CFAP91: variants seen among roughly 807,000 people sequenced by gnomAD.
CFAP91 encodes cilia- and flagella-associated protein 91.
CFAP91 carries 85 observed loss-of-function variants against 95.9 expected under a neutral mutation model. The ratio of observed to expected loss-of-function variants is 0.89; its 90% CI spans 0.74 to 1.06. The LOEUF (loss-of-function observed/expected upper bound fraction) is 1.06, where lower values mean the gene tolerates loss of function less well. CFAP91 is among the 50% of genes least tolerant of loss of function. The pLI is 0.00. For synonymous variants in CFAP91, 335 were observed against 327.5 expected (o/e 1.02, Z -0.25); for missense variants, 962 against 943.4 (o/e 1.02, Z -0.26).
rs200720489 is a variant in CFAP91, at chr3:119,735,913, A to ATACTT, written c.1345-1452_1345-1448dup. ...TTATTCCTTCTCTTCTGCTCTTCTT[A>ATACTT]TACTTATATCGATCTAAGTTTTTGA... On this transcript the variant is annotated intron_variant, in intron 10 of 17. Coordinates refer to ENST00000273390, the MANE Select transcript of CFAP91 (RefSeq NM_033364.4). Among the ~76,000 whole-genome samples the ATACTT allele has an allele frequency of 2.4e-3, 346 of 147,116 alleles. 2 individuals are homozygous for ATACTT. Among genetic ancestry groups the ATACTT allele is most frequent in the African/African-American group, 8.8e-3 (323 of 36,858 alleles).
intron 13 of CFAP91, 47 bp downstream of exon 13, chr3:119,740,742 C>T: frequency 6.3e-7 from 1 of 1,574,976 alleles, no homozygotes; most frequent in Non-Finnish European, 8.6e-7. Context: ...AAATTTTCTC[C>T]CTTGATTTTA....
At chr3:119,758,713 GT>G (rs2107922751) in intron 17 of CFAP91, among the ~76,000 whole-genome samples, 1 of 152,178 alleles carries the variant, frequency 6.6e-6, no homozygotes, top group Admixed American at 6.5e-5. Context: ...ATGGATACCA[GT>G]ATTGGCCATA....
chr3:119,725,708 A>T (rs571689083), intron 6 of CFAP91, among the ~76,000 whole-genome samples: 1 of 152,254 alleles, frequency 6.6e-6, no homozygotes, highest in South Asian at 2.1e-4. Flanking sequence ...AGTGAGCTGT[A>T]ATCACATCTC....
At chr3:119,762,614 T>A (rs2054557147) in intron 17 of CFAP91, among the ~76,000 whole-genome samples, 1 of 151,848 alleles carries the variant, frequency 6.6e-6, no homozygotes, top group African/African-American at 2.4e-5. Flanking sequence ...AACAGCATGG[T>A]ACTACACACA....
chr3:119,733,863 A>G (rs777007500), intron 10 of CFAP91, among the ~76,000 whole-genome samples: 3 of 152,140 alleles, frequency 2.0e-5, no homozygotes, highest in Non-Finnish European at 4.4e-5. Flanking sequence ...TGTTCATGTG[A>G]TCAGGGCATA....
chr3:119,736,896 G>T (rs1559760452), intron 10 of CFAP91, among the ~76,000 whole-genome samples: 1 of 151,892 alleles, frequency 6.6e-6, no homozygotes, highest in Non-Finnish European at 1.5e-5. Flanking sequence ...GAGTGCAATG[G>T]TGCAATCTCA....
Position 119,726,160 on chromosome 3 carries a change from T to G in CFAP91, c.683-11T>G, listed in dbSNP as rs755677593. The G allele has an allele frequency of 3.7e-6, 6 of 1,602,256 alleles. No homozygotes were observed. Among genetic ancestry groups the G allele is most frequent in the Non-Finnish European group, 5.1e-6 (6 of 1,175,256 alleles). ...TCACTTGTTCCTAAGCTGTGCTGCT[T>G]TATCCTGCAGGTCGGGGTCTCCCAG... On this transcript the variant is annotated splice_polypyrimidine_tract_variant and intron_variant, in intron 6 of 17. Transcript: ENST00000273390.
At chr3:119,712,149 GT>G (rs1008451869) in intron 5 of CFAP91, among the ~76,000 whole-genome samples, 2 of 152,220 alleles carry the variant, frequency 1.3e-5, no homozygotes, top group Non-Finnish European at 2.9e-5. Flanking sequence ...CCTGTTTGAG[GT>G]TGGGGAGGAG....
chr3:119,747,953 T>C (rs1302040786), intron 16 of CFAP91, 51 bp downstream of exon 16: 1 of 1,338,670 alleles, frequency 7.5e-7, no homozygotes, highest in Non-Finnish European at 1.1e-6. Context: ...ATGTAAATTA[T>C]TTTCAATATC....
intron 6 of CFAP91, among the ~76,000 whole-genome samples, chr3:119,717,737 C>A (rs545423189): frequency 2.4e-4 from 37 of 152,222 alleles, no homozygotes; most frequent in African/African-American, 8.7e-4. Flanking sequence ...CATGCATGCC[C>A]GTGATTACCC....
At chr3:119,763,636 A>G (rs2054577955) in intron 17 of CFAP91, among the ~76,000 whole-genome samples, 1 of 151,978 alleles carries the variant, frequency 6.6e-6, no homozygotes, top group African/African-American at 2.4e-5. Flanking sequence ...AAAAAGAAGG[A>G]AATCCTGTCA....
Position 119,747,910 on chromosome 3 carries a change from A to C in CFAP91, c.2143+8A>C. 1 of 1,593,122 alleles carries C rather than the reference A, an allele frequency of 6.3e-7. No homozygotes were observed. The highest frequency in any genetic ancestry group is 8.6e-7 in the Non-Finnish European group (1 of 1,162,810). On this transcript the variant is annotated splice_region_variant and intron_variant, in intron 16 of 17. Coordinates refer to ENST00000273390, the MANE Select transcript of CFAP91 (RefSeq NM_033364.4). ...ACTTTGTCAAAGAAAAAGGTAAGCC[A>C]ATGTAAATGCTTTACTTTAGGATTT... is the stretch of plus-strand genomic sequence containing the variant.
Position 119,765,254 on chromosome 3 carries a change from T to A in CFAP91, c.*204T>A, listed in dbSNP as rs377054792. 1 of 152,324 alleles carries A rather than the reference T, an allele frequency of 6.6e-6. No homozygotes were observed. The highest frequency in any genetic ancestry group is 2.4e-5 in the African/African-American group (1 of 41,586). The allele number at this position is 152,324 out of a possible 1,614,324, so 9.4% of individuals were successfully genotyped here. ...TGAAAAAGCTTCATTCTCTTCAGTG[T>A]CTTCTAGATGCCCTACTTAAAGAGA... On this transcript the variant is annotated 3_prime_UTR_variant, in exon 18 of 18. Coordinates refer to ENST00000273390, the MANE Select transcript of CFAP91 (RefSeq NM_033364.4).
intron 11 of CFAP91, among the ~76,000 whole-genome samples, 154 bp downstream of exon 11, chr3:119,737,636 G>A (rs2054036615): frequency 6.6e-6 from 1 of 152,092 alleles, no homozygotes; most frequent in Admixed American, 6.6e-5. Context: ...TCAAACATCA[G>A]ACACAGAAAA....
At chr3:119,756,506 A>G (rs2107920022) in intron 17 of CFAP91, among the ~76,000 whole-genome samples, 1 of 152,326 alleles carries the variant, frequency 6.6e-6, no homozygotes, top group South Asian at 2.1e-4. Context: ...AATAAATTTA[A>G]GGACAGGTAT....
intron 9 of CFAP91, 32 bp downstream of exon 9, chr3:119,732,508 T>C: frequency 7.3e-7 from 1 of 1,376,348 alleles, no homozygotes; most frequent in Non-Finnish European, 9.9e-7. Context: ...AAATCCAGTA[T>C]AAGAAGGTTG....
At chr3:119,763,830 C>T (rs1389689012) in intron 17 of CFAP91, among the ~76,000 whole-genome samples, 1 of 151,874 alleles carries the variant, frequency 6.6e-6, no homozygotes, top group Non-Finnish European at 1.5e-5. Flanking sequence ...TGTTGGTTGC[C>T]AGAAGCTAGT....
chr3:119,704,060 C>G (rs2053311980), intron 1 of CFAP91, among the ~76,000 whole-genome samples: 1 of 152,206 alleles, frequency 6.6e-6, no homozygotes, highest in African/African-American at 2.4e-5. Flanking sequence ...ATCTAGGGTA[C>G]ACATTCCTAG....
intron 17 of CFAP91, among the ~76,000 whole-genome samples, chr3:119,753,122 C>A (rs1274515927): frequency 6.6e-6 from 1 of 152,122 alleles, no homozygotes; most frequent in Non-Finnish European, 1.5e-5. Flanking sequence ...GGGCCAAGAT[C>A]TAGGAGAAGA....
Sources: gnomAD v4.1 joint callset for allele counts (sites outside exome capture counted in the v4.1 genomes callset) on GRCh38, gnomAD v4.1.1 for gene constraint, MANE v1.5 for transcripts, NCBI Gene and HGNC (gene_info 2026-07-23, HGNC 2026-07-21) for gene names.